The following SSH2 variants were observed in gnomAD, a reference collection of about 807,000 sequenced individuals.
The protein encoded by SSH2 is slingshot protein phosphatase 2.
A neutral mutation model predicts 135.2 loss-of-function variants in SSH2; 37 were observed. The observed-to-expected ratio is 0.27, with a 90% CI of 0.21 to 0.36. The LOEUF (loss-of-function observed/expected upper bound fraction) is 0.36. SSH2 is among the 10% of genes least tolerant of loss of function. SSH2 has a pLI of 1.00. For missense variants in SSH2, 1,408 were observed against 1,765.3 expected (o/e 0.80, Z 3.63); for synonymous variants, 628 against 646.2 (o/e 0.97, Z 0.43).
chr17:29,656,667 A>G (rs1213911685), intron 11 of SSH2, among the ~76,000 whole-genome samples: 6 of 152,146 alleles, frequency 3.9e-5, no homozygotes, highest in African/African-American at 1.4e-4. Flanking sequence ...GGAGGACACA[A>G]TTATTAATAT....
intron 3 of SSH2, among the ~76,000 whole-genome samples, chr17:29,720,996 A>T (rs535908892): frequency 6.6e-6 from 1 of 152,338 alleles, no homozygotes; most frequent in Admixed American, 6.5e-5. Context: ...TTGCAAATTT[A>T]ATTTATTAAG....
At chr17:29,810,153 A>T (rs2042416009) in intron 2 of SSH2, among the ~76,000 whole-genome samples, 1 of 152,186 alleles carries the variant, frequency 6.6e-6, no homozygotes, top group African/African-American at 2.4e-5. Flanking sequence ...TTCTCCAACC[A>T]AGGTGCCCCA....
At chr17:29,636,938 G>A (rs901842926) in intron 14 of SSH2, 136 bp from the exon 15 acceptor site, 44 of 648,436 alleles carry the variant, frequency 6.8e-5, no homozygotes, top group African/African-American at 2.5e-4. Flanking sequence ...GGCAATAAAC[G>A]TTTGAAAAGA....
At chr17:29,895,679 TATTTTATATACAC>T (rs1243117545) in intron 1 of SSH2, among the ~76,000 whole-genome samples, 6 of 121,348 alleles carry the variant, frequency 4.9e-5, no homozygotes, top group African/African-American at 7.2e-5. Context: ...ATATAAAATA[TATTTTATATACAC>T]ATTTTATATA....
intron 3 of SSH2, among the ~76,000 whole-genome samples, chr17:29,732,413 G>C (rs1747275231): frequency 6.6e-6 from 1 of 152,156 alleles, no homozygotes; most frequent in African/African-American, 2.4e-5. Context: ...CTCCAGGCAT[G>C]TTTTCATGTG....
In SSH2 at chr17:29,676,408, C is replaced by T. The variant is rs148685101; in HGVS notation, c.614+412G>A. 8.0e-3 allele frequency: 1,282 copies of T among 160,918 alleles called. 14 individuals carry two copies. The highest frequency in any genetic ancestry group is 0.026 in the African/African-American group (1,076 of 41,346). The allele number at this position is 160,918 out of a possible 1,614,324, so 10.0% of individuals were successfully genotyped here. On this transcript the variant is annotated intron_variant, in intron 8 of 15. Transcript: ENST00000540801. Reference sequence around the variant, plus strand: ...CCGAGATCGCGCCACTGCACTCCAGCCTGGGCAACAGAGTGAGGCTTCGTC... The same window carrying T: ...CCGAGATCGCGCCACTGCACTCCAGTCTGGGCAACAGAGTGAGGCTTCGTC...
intron 11 of SSH2, 27 bp from the exon 12 acceptor site, chr17:29,655,634 G>A (rs371351272): frequency 1.6e-4 from 251 of 1,608,118 alleles, no homozygotes; most frequent in Non-Finnish European, 2.0e-4. Flanking sequence ...ACAAGGTTAA[G>A]GAGTATTAGC....
chr17:29,846,421 T>G (rs1413167808), intron 2 of SSH2, among the ~76,000 whole-genome samples: 2 of 152,210 alleles, frequency 1.3e-5, no homozygotes, highest in African/African-American at 4.8e-5. Flanking sequence ...GAGCTCATGA[T>G]GGCTATCAGC....
chr17:29,770,788 T>C (rs1001522188), intron 3 of SSH2, among the ~76,000 whole-genome samples: 4 of 152,196 alleles, frequency 2.6e-5, no homozygotes, highest in African/African-American at 9.6e-5. Context: ...CTTATTCTCC[T>C]ATGTTTAAAT....
At chr17:29,862,001 G>T (rs995456102) in intron 1 of SSH2, among the ~76,000 whole-genome samples, 1 of 152,266 alleles carries the variant, frequency 6.6e-6, no homozygotes, top group East Asian at 1.9e-4. Context: ...AAAGAGGATC[G>T]CAAAAACTTA....
rs745676178 is a variant in SSH2, at chr17:29,632,334, C to T, written c.2860G>A (p.Glu954Lys). 1.2e-5 allele frequency: 20 copies of T among 1,613,952 alleles called. No individual in the cohort carries two copies. Among genetic ancestry groups the T allele is most frequent in the Admixed American group, 1.7e-5 (1 of 60,018 alleles). ...CCTTTGCCTTTGCTCATTTCTGGTT[C>T]CTTGAGGACAAATGAATGTTCTGGG... ...APPEHSFVLKEPEMSKGKGKY... is the reference protein window; with the variant it reads ...APPEHSFVLKKPEMSKGKGKY... Residue 954 changes from glutamate (E) to lysine (K), a missense_variant, in exon 16 of 16, where the codon GAA (glutamate) becomes AAA (lysine). Transcript: ENST00000540801.
rs143332018 is a variant in SSH2, at chr17:29,782,656, G to A, written c.188+11238C>T. On this transcript the variant is annotated intron_variant, in intron 3 of 15. Transcript: ENST00000540801. ...GCTGGAGTGCAGTGGTGCGATCTCC[G>A]CTCACTGCAACCTCTGCTTCCTGGG... Among the ~76,000 whole-genome samples the A allele has an allele frequency of 1.1e-3, 171 of 151,528 alleles. 3 individuals carry two copies. The East Asian group carries it at 0.03, about 27-fold the overall frequency.
chr17:29,649,832 T>C (rs1474996858), intron 13 of SSH2, among the ~76,000 whole-genome samples: 1 of 152,200 alleles, frequency 6.6e-6, no homozygotes, highest in African/African-American at 2.4e-5. Flanking sequence ...TTGCTGAGAA[T>C]AAAGGAATAG....
intron 6 of SSH2, among the ~76,000 whole-genome samples, chr17:29,679,493 C>T (rs1340904904): frequency 1.3e-5 from 2 of 151,946 alleles, no homozygotes; most frequent in Admixed American, 6.6e-5. Context: ...CTGCAACCTC[C>T]ACCTCCTGGT....
rs749095686 is a variant in SSH2 at position 29,631,481 on chromosome 17, C to T, written c.3713G>A (p.Arg1238Gln). The stretch of plus-strand genomic sequence containing the variant: ...TTCACTACTAGAGCTATGTGGGAGT[C>T]GACAGGCTACAGGCAATGGGTCCAT... ...EKMDPLPVAC[R>Q]LPHSSSSENI... Residue 1238 changes from arginine (R) to glutamine (Q), a missense_variant, in exon 16 of 16, where the codon CGA becomes CAA. By Grantham distance (43) the Arg-to-Gln change is conservative. Transcript: ENST00000540801. 7 of 1,614,006 alleles carry T rather than the reference C, an allele frequency of 4.3e-6. No individual in the cohort carries two copies. Among genetic ancestry groups the T allele is most frequent in the Non-Finnish European group, 5.9e-6 (7 of 1,180,034 alleles).
intron 3 of SSH2, among the ~76,000 whole-genome samples, chr17:29,713,266 C>T (rs537034619): frequency 3.9e-5 from 6 of 151,900 alleles, no homozygotes; most frequent in East Asian, 3.9e-4. Flanking sequence ...ACCTGGGAGG[C>T]GGAGGCTGCA....
intron 3 of SSH2, among the ~76,000 whole-genome samples, chr17:29,736,846 T>C (rs2040386008): frequency 7.8e-6 from 1 of 127,914 alleles, no homozygotes; most frequent in South Asian, 2.7e-4. Context: ...ACGCCTGTAA[T>C]CTCAGCACTT....
intron 2 of SSH2, among the ~76,000 whole-genome samples, chr17:29,843,910 T>G (rs919760145): frequency 6.6e-6 from 1 of 152,224 alleles, no homozygotes; most frequent in Non-Finnish European, 1.5e-5. Context: ...AGAAGCTGAT[T>G]ATCAACAAGG....
At chr17:29,806,725 G>A (rs1157435050) in intron 2 of SSH2, among the ~76,000 whole-genome samples, 4 of 152,186 alleles carry the variant, frequency 2.6e-5, no homozygotes, top group Non-Finnish European at 5.9e-5. Flanking sequence ...TACCATACTA[G>A]TTGTGAAATA....
Sources: allele counts gnomAD v4.1 joint callset (sites outside exome capture counted in the v4.1 genomes callset), GRCh38; gene constraint gnomAD v4.1.1; transcripts MANE v1.5; gene names NCBI Gene and HGNC (gene_info 2026-07-23, HGNC 2026-07-21).